Variants in SEL1L observed in about 807,000 individuals in gnomAD.
SEL1L encodes the protein SEL1L adaptor subunit of SYVN1 ubiquitin ligase, also known as protein sel-1 homolog 1.
A neutral mutation model predicts 109.8 loss-of-function variants in SEL1L; 52 were observed. The ratio of observed to expected loss-of-function variants is 0.47; its 90% confidence interval spans 0.38 to 0.60. The LOEUF (loss-of-function observed/expected upper bound fraction) is 0.60, where lower values mean the gene tolerates loss of function less well. Among genes scored for constraint, SEL1L ranks in the 20% least tolerant of loss-of-function variants. The probability of loss-of-function intolerance (pLI) is 0.00; values close to 1 mark genes in which losing one functional copy is unlikely to be tolerated. For missense variants in SEL1L, 749 were observed against 962.2 expected, an observed-to-expected ratio of 0.78 and a Z score of 2.93; for synonymous variants, 373 against 339.6, an observed-to-expected ratio of 1.10 and a Z score of -1.08.
chr14:81,485,379 G>T (rs919933824), intron 18 of SEL1L, among the ~76,000 whole-genome samples: 3 of 151,862 alleles, frequency 2.0e-5, no homozygotes, highest in Non-Finnish European at 4.4e-5. Context: ...AGGTTCAAGC[G>T]ATTCTCCTGC....
intron 3 of SEL1L, among the ~76,000 whole-genome samples, chr14:81,518,659 T>TAAAAAAAAA (rs35790401): frequency 1.2e-5 from 1 of 84,492 alleles, no homozygotes. Flanking sequence ...AGACTTCGTC[T>TAAAAAAAAA]AAAAAAAAAA....
At position 81,490,474 on chromosome 14, in the gene SEL1L, C is replaced by G; in HGVS notation, c.1255-9G>C. 6.2e-7 allele frequency: 1 copy of G among 1,607,350 alleles called. No homozygotes were observed. Among genetic ancestry groups the G allele is most frequent in the Non-Finnish European group, 8.5e-7 (1 of 1,173,982 alleles). On this transcript the variant is annotated splice_polypyrimidine_tract_variant and intron_variant, in intron 12 of 20. Coordinates refer to ENST00000336735, the MANE Select transcript of SEL1L (RefSeq NM_005065.6). ...CTTCCTTCCGAATACATCTGGAAAA[C>G]AGATCCCAATTTCAGTAAGAGCTGT...
chr14:81,504,063 T>C (rs1022713556), intron 5 of SEL1L, 138 bp downstream of exon 5: 4 of 505,096 alleles, frequency 7.9e-6, no homozygotes, highest in Non-Finnish European at 1.4e-5. Flanking sequence ...TGCCCGTAAG[T>C]TATATTACAT....
chr14:81,512,200 T>C (rs1163682695), intron 3 of SEL1L, among the ~76,000 whole-genome samples: 1 of 152,204 alleles, frequency 6.6e-6, no homozygotes, highest in Non-Finnish European at 1.5e-5. Context: ...CTCCATGATG[T>C]GGACAGACCT....
At chr14:81,516,441 C>T (rs1884705115) in intron 3 of SEL1L, among the ~76,000 whole-genome samples, 1 of 152,102 alleles carries the variant, frequency 6.6e-6, no homozygotes, top group Non-Finnish European at 1.5e-5. Context: ...GTCCCAGGAC[C>T]CTTATTAGGG....
At chr14:81,533,012 T>C (rs113398707) in intron 1 of SEL1L, among the ~76,000 whole-genome samples, 12 of 152,156 alleles carry the variant, frequency 7.9e-5, no homozygotes, top group African/African-American at 2.9e-4. Context: ...GCACACAAAT[T>C]TCTGTATCTA....
At chr14:81,506,321 G>A in intron 3 of SEL1L, 80 bp from the exon 4 acceptor site, 2 of 1,291,372 alleles carry the variant, frequency 1.5e-6, no homozygotes, top group Non-Finnish European at 2.1e-6. Context: ...AATTTTGGCT[G>A]TTGGAATTTG....
At chr14:81,517,943 T>G (rs1884767402) in intron 3 of SEL1L, among the ~76,000 whole-genome samples, 1 of 152,144 alleles carries the variant, frequency 6.6e-6, no homozygotes, top group Non-Finnish European at 1.5e-5. Context: ...CTTCTTCTTT[T>G]TTTTTGAGAC....
At chr14:81,495,058 A>G (rs1271639106) in intron 11 of SEL1L, 23 bp downstream of exon 11, 1 of 1,610,540 alleles carries the variant, frequency 6.2e-7, no homozygotes. Flanking sequence ...TGAGATGCAA[A>G]GCCCTAGGAA....
In SEL1L at chr14:81,502,849, T is replaced by C. The variant is rs1884070041; in HGVS notation, c.649A>G (p.Asn217Asp). The C allele has an allele frequency of 3.7e-6, 6 of 1,613,854 alleles. No homozygotes were observed. Among genetic ancestry groups the C allele is most frequent in the Admixed American group, 1.7e-5 (1 of 59,980 alleles). Reference protein sequence around the residue: ...YRYLQKAASMNHTKALERVSY... With the variant: ...YRYLQKAASMDHTKALERVSY... ...ACTCTCTCCAGGGCTTTGGTATGGTTCATGCTTGCTGCCTTTTGGAGATAC... is the reference window on the plus strand; with the variant it reads ...ACTCTCTCCAGGGCTTTGGTATGGTCCATGCTTGCTGCCTTTTGGAGATAC... The change falls in exon 6 of 21, where the codon AAC becomes GAC. Residue 217 changes from asparagine to aspartate, a missense_variant. Physicochemically the swap from Asn to Asp is conservative, Grantham distance 23. Transcript: ENST00000336735.
intron 3 of SEL1L, among the ~76,000 whole-genome samples, chr14:81,519,664 G>A (rs142976414): frequency 6.6e-6 from 1 of 152,184 alleles, no homozygotes; most frequent in Non-Finnish European, 1.5e-5. Context: ...GATAGTGGGG[G>A]AAAGAGCAAA....
At position 81,476,990 on chromosome 14, in the gene SEL1L, C is replaced by G; in HGVS notation, c.2367G>C (p.Glu789Asp). Residue 789 changes from glutamate to aspartate, a missense_variant, in exon 21 of 21, where the codon GAG becomes GAC. Around this residue, in one of 2 missense-constraint regions of SEL1L, gnomAD observed 383 missense variants for 562.5 expected, o/e 0.68. Coordinates refer to ENST00000336735, the MANE Select transcript of SEL1L (RefSeq NM_005065.6). ...GTGCCTATTACTGTGGTGGCTGCTG[C>G]TCTGGTGGCCCCTCCTGCTGGGGTG... ...PAPPQQEGPP[E>D]QQPPQ 6.2e-7 allele frequency: 1 copy of G among 1,614,188 alleles called. No homozygotes were observed. Among genetic ancestry groups the G allele is most frequent in the Non-Finnish European group, 8.5e-7 (1 of 1,180,036 alleles).
chr14:81,513,691 C>T (rs528101029), intron 3 of SEL1L, among the ~76,000 whole-genome samples: 6 of 152,268 alleles, frequency 3.9e-5, no homozygotes, highest in East Asian at 1.9e-4. Context: ...CAGTTAAAAG[C>T]GACTAGCGCG....
chr14:81,487,812 T>C, intron 15 of SEL1L, 43 bp downstream of exon 15: 1 of 1,607,898 alleles, frequency 6.2e-7, no homozygotes, highest in Non-Finnish European at 8.5e-7. Flanking sequence ...AACAGCTTAA[T>C]TTAGATCTTG....
intron 1 of SEL1L, among the ~76,000 whole-genome samples, chr14:81,531,390 C>A (rs1331377366): frequency 6.6e-6 from 1 of 152,048 alleles, no homozygotes; most frequent in Non-Finnish European, 1.5e-5. Context: ...AGAGATGCGA[C>A]CTGCCCTGGG....
At position 81,518,800 on chromosome 14, in the gene SEL1L, C is replaced by T. The variant is rs573385333; in HGVS notation, c.340+7933G>A. Among the ~76,000 whole-genome samples, 149 of 152,080 alleles carry T rather than the reference C, an allele frequency of 9.8e-4. 1 individual carries two copies. Among genetic ancestry groups the T allele is most frequent in the African/African-American group, 3.6e-3 (148 of 41,470 alleles). ...AAGTCCAGGCCTCCTAAAAGGCATACCTAAAATCAATATTGCAGGCTGGTC... is the reference window on the plus strand; with the variant it reads ...AAGTCCAGGCCTCCTAAAAGGCATATCTAAAATCAATATTGCAGGCTGGTC... On this transcript the variant is annotated intron_variant, in intron 3 of 20. Coordinates refer to ENST00000336735, the MANE Select transcript of SEL1L (RefSeq NM_005065.6).
intron 3 of SEL1L, among the ~76,000 whole-genome samples, chr14:81,518,481 G>A (rs1406895174): frequency 2.0e-5 from 3 of 151,348 alleles, no homozygotes; most frequent in African/African-American, 7.3e-5. Flanking sequence ...CCAACCTGGT[G>A]AAACCCCATC....
intron 1 of SEL1L, among the ~76,000 whole-genome samples, chr14:81,531,733 G>T (rs1885331328): frequency 6.6e-6 from 1 of 152,024 alleles, no homozygotes; most frequent in African/African-American, 2.4e-5. Context: ...CGTAGAGATG[G>T]GGTTTCGCCA....
intron 3 of SEL1L, among the ~76,000 whole-genome samples, chr14:81,510,506 C>CTATA (rs1185338964): frequency 4.4e-4 from 53 of 121,030 alleles, no homozygotes; most frequent in South Asian, 8.4e-4. Context: ...CTCTCTCTCT[C>CTATA]TCTCTCTCTA....
Sources: gnomAD v4.1 joint callset for allele counts (sites outside exome capture counted in the v4.1 genomes callset) on GRCh38, gnomAD v4.1.1 for gene constraint, gnomAD v4.1.1 regional missense constraint, MANE v1.5 for transcripts, NCBI Gene and HGNC (gene_info 2026-07-23, HGNC 2026-07-21) for gene names.